Variants in PPP2R2D observed in about 807,000 individuals in gnomAD.
The protein encoded by PPP2R2D is serine/threonine-protein phosphatase 2A 55 kDa regulatory subunit B delta isoform.
PPP2R2D carries 9 observed loss-of-function variants against 31.1 expected under a neutral mutation model. The observed-to-expected ratio is 0.29, with a 90% CI of 0.17 to 0.51. The LOEUF (loss-of-function observed/expected upper bound fraction) is 0.51. Ranked by LOEUF, PPP2R2D falls within the 20% of genes least tolerant of loss-of-function variation. The pLI is 0.98. For missense variants in PPP2R2D, 391 were observed against 465.6 expected, an observed-to-expected ratio of 0.84 and a Z score of 1.48; for synonymous variants, 179 against 172.6, an observed-to-expected ratio of 1.04 and a Z score of -0.29.
At chr10:131,918,117 T>C (rs1192024399) in intron 2 of PPP2R2D, among the ~76,000 whole-genome samples, 1 of 128,860 alleles carries the variant, frequency 7.8e-6, no homozygotes, top group Non-Finnish European at 1.6e-5. Flanking sequence ...GCGGGTGGAA[T>C]GTCAGTGTTT....
At chr10:131,918,719 G>T (rs1396843936) in intron 2 of PPP2R2D, among the ~76,000 whole-genome samples, 1 of 149,290 alleles carries the variant, frequency 6.7e-6, no homozygotes, top group Non-Finnish European at 1.5e-5. Context: ...TGTTTGTAGG[G>T]ACCTCAGGCG....
chr10:131,963,618 G>A (rs7898755), downstream of PPP2R2D, among the ~76,000 whole-genome samples: 42,615 of 152,182 alleles, frequency 0.28, 6,084 homozygotes, highest in East Asian at 0.45. Flanking sequence ...GCCACACGTC[G>A]GACGCGGCTT....
chr10:131,927,928 T>C lies in PPP2R2D; in HGVS notation c.101-6530T>C, dbSNP rs536229428. On this transcript the variant is annotated intron_variant, in intron 2 of 8. Coordinates refer to ENST00000455566, the MANE Select transcript of PPP2R2D (RefSeq NM_018461.5). ...CGTAAGTGGTTCAGTGATGCACATATGTAGTTCTGGGGGCTGTGTGTCTGG... is the reference window on the plus strand; with the variant it reads ...CGTAAGTGGTTCAGTGATGCACATACGTAGTTCTGGGGGCTGTGTGTCTGG... 2.0e-4 allele frequency among the ~76,000 whole-genome samples: 31 copies of C among 152,352 alleles called. No homozygotes were observed. In the South Asian group the frequency reaches 5.0e-3, roughly 24 times the overall value.
chr10:131,953,001 C>T (rs2036707055), intron 8 of PPP2R2D, among the ~76,000 whole-genome samples: 1 of 71,156 alleles, frequency 1.4e-5, no homozygotes, highest in Admixed American at 1.8e-4. Context: ...TGCGGGTGTG[C>T]AGGGGGTTCA....
At chr10:131,903,739 T>A (rs2035539030) in intron 2 of PPP2R2D, among the ~76,000 whole-genome samples, 1 of 152,208 alleles carries the variant, frequency 6.6e-6, no homozygotes, top group Non-Finnish European at 1.5e-5. Flanking sequence ...CATTTATAAG[T>A]CACCATCGAT....
At chr10:131,936,070 A>G (rs1415361406) in intron 3 of PPP2R2D, among the ~76,000 whole-genome samples, 2 of 152,178 alleles carry the variant, frequency 1.3e-5, no homozygotes, top group Non-Finnish European at 2.9e-5. Flanking sequence ...TCTCAAAAAA[A>G]AAAAGAACCA....
At chr10:131,914,790 C>CT (rs1290904143) in intron 2 of PPP2R2D, among the ~76,000 whole-genome samples, 1 of 152,184 alleles carries the variant, frequency 6.6e-6, no homozygotes, top group African/African-American at 2.4e-5. Flanking sequence ...TCGGGGGTGC[C>CT]TGTGGGGAAA....
intron 5 of PPP2R2D, among the ~76,000 whole-genome samples, chr10:131,941,112 G>A (rs967191262): frequency 1.3e-5 from 2 of 152,174 alleles, no homozygotes; most frequent in Admixed American, 6.5e-5. Flanking sequence ...CATTCAGGAC[G>A]CTTCTCGGGG....
intron 8 of PPP2R2D, among the ~76,000 whole-genome samples, chr10:131,954,903 T>C (rs1356528864): frequency 5.3e-5 from 8 of 152,246 alleles, no homozygotes; most frequent in African/African-American, 1.9e-4. Flanking sequence ...TGAACACATC[T>C]TTCATCAGAA....
chr10:131,968,429 A>G, the PPP2R2D span: 3 of 992,348 alleles, frequency 3.0e-6, no homozygotes, highest in Non-Finnish European at 4.7e-6. Flanking sequence ...AACACAAGTG[A>G]CGTGGCCACC....
At chr10:131,911,981 C>T (rs2035692228) in intron 2 of PPP2R2D, 2 of 152,328 alleles carry the variant, frequency 1.3e-5, no homozygotes, top group South Asian at 4.1e-4. Flanking sequence ...AGTTCCTCTT[C>T]ATCCCACTGC....
the PPP2R2D span, chr10:131,970,855 C>T: frequency 4.3e-6 from 7 of 1,614,260 alleles, no homozygotes; most frequent in Non-Finnish European, 5.9e-6. This position sits in a 1 kb window ranked among gnomAD's most constrained non-coding sequence, Gnocchi z 4.1. Context: ...ACACTGAGAA[C>T]ACACTCACTT....
At chr10:131,939,824 G>C (rs184610140) in intron 3 of PPP2R2D, 1 of 339,506 alleles carries the variant, frequency 2.9e-6, no homozygotes, top group African/African-American at 2.1e-5. Flanking sequence ...TGCTCCAGAT[G>C]CATACCTAGA....
chr10:131,924,835 T>A (rs1554894694), intron 2 of PPP2R2D, among the ~76,000 whole-genome samples: 1 of 152,162 alleles, frequency 6.6e-6, no homozygotes, highest in Non-Finnish European at 1.5e-5. Context: ...TTTTTTTTTT[T>A]ACAATATTTT....
At chr10:131,970,616 G>A in the PPP2R2D span, 8 of 1,611,770 alleles carry the variant, frequency 5.0e-6, no homozygotes, top group Admixed American at 1.7e-5. This position sits in a 1 kb window ranked among gnomAD's most constrained non-coding sequence, Gnocchi z 4.1. Flanking sequence ...CATGACAGGA[G>A]TCACACAGTC....
At chr10:131,940,748 T>G (rs1198491861) in intron 5 of PPP2R2D, 54 bp downstream of exon 5, 2 of 722,782 alleles carry the variant, frequency 2.8e-6, no homozygotes, top group African/African-American at 3.5e-5. Flanking sequence ...GAATAAACGT[T>G]TCAGTCTGCT....
At chr10:131,903,998 G>A (rs1425572238) in intron 2 of PPP2R2D, among the ~76,000 whole-genome samples, 2 of 152,122 alleles carry the variant, frequency 1.3e-5, no homozygotes, top group African/African-American at 4.8e-5. Flanking sequence ...GAGGTCAGGA[G>A]TTTGAGACTA....
intron 4 of PPP2R2D, 71 bp downstream of exon 4, chr10:131,940,267 C>G: frequency 1.8e-6 from 1 of 542,698 alleles, no homozygotes; most frequent in Non-Finnish European, 3.4e-6. Flanking sequence ...TGTGTAGATT[C>G]CTTTTTATTT....
intron 5 of PPP2R2D, 145 bp from the exon 6 acceptor site, chr10:131,943,823 A>G (rs2036484950): frequency 3.4e-6 from 2 of 596,132 alleles, no homozygotes; most frequent in South Asian, 2.1e-5. Flanking sequence ...TAACTCTGCT[A>G]ATTGGTTATT....
Sources: allele counts gnomAD v4.1 joint callset (sites outside exome capture counted in the v4.1 genomes callset), GRCh38; gene constraint gnomAD v4.1.1; non-coding constraint Gnocchi (gnomAD v3.1); transcripts MANE v1.5; gene names NCBI Gene and HGNC (gene_info 2026-07-23, HGNC 2026-07-21).